The following NRXN1 variants were observed in gnomAD, a reference collection of about 807,000 sequenced individuals.
NRXN1 encodes neurexin 1, also known as neurexin-1.
NRXN1 carries 39 observed loss-of-function variants against 150.9 expected under a neutral mutation model. The observed-to-expected ratio is 0.26, with a 90% confidence interval of 0.20 to 0.34. The LOEUF is 0.34. Ranked by LOEUF, NRXN1 falls within the 10% of genes least tolerant of loss-of-function variation. NRXN1 has a pLI of 1.00. For missense variants in NRXN1, 1,815 were observed against 1,949.9 expected (o/e 0.93, Z 1.30); for synonymous variants, 924 against 757.0 (o/e 1.22, Z -3.62).
intron 18 of NRXN1, among the ~76,000 whole-genome samples, chr2:50,206,252 C>G (rs1018550339): frequency 3.3e-5 from 5 of 151,398 alleles, no homozygotes; most frequent in African/African-American, 1.2e-4. Context: ...CACACACACA[C>G]ACACACACAC....
intron 21 of NRXN1, among the ~76,000 whole-genome samples, chr2:49,974,515 C>A (rs1346794624): frequency 1.3e-5 from 2 of 152,112 alleles, no homozygotes; most frequent in African/African-American, 4.8e-5. Context: ...AGCCCTTAAA[C>A]TGTTATGTGT....
At chr2:49,928,583 G>A (rs1669541049) in intron 22 of NRXN1, among the ~76,000 whole-genome samples, 1 of 151,940 alleles carries the variant, frequency 6.6e-6, no homozygotes, top group Non-Finnish European at 1.5e-5. Flanking sequence ...CTCCTGGGGT[G>A]TTTGTGAATT....
At chr2:50,630,111 T>A (rs1175606306) in intron 5 of NRXN1, among the ~76,000 whole-genome samples, 1 of 151,692 alleles carries the variant, frequency 6.6e-6, no homozygotes, top group Non-Finnish European at 1.5e-5. Context: ...CCATTCCATA[T>A]CCGACACACT....
intron 21 of NRXN1, among the ~76,000 whole-genome samples, chr2:49,952,303 A>G (rs1194471263): frequency 6.6e-6 from 1 of 152,072 alleles, no homozygotes; most frequent in Non-Finnish European, 1.5e-5. Context: ...ACTGGATTTT[A>G]GATAAGTAAC....
At chr2:50,386,683 A>G (rs1022316744) in intron 17 of NRXN1, among the ~76,000 whole-genome samples, 1 of 152,178 alleles carries the variant, frequency 6.6e-6, no homozygotes, top group African/African-American at 2.4e-5. Flanking sequence ...ACCAAGTTGC[A>G]ATGGAAATGG....
intron 2 of NRXN1, among the ~76,000 whole-genome samples, chr2:50,949,294 A>C (rs1438807674): frequency 1.3e-5 from 2 of 152,076 alleles, no homozygotes; most frequent in Non-Finnish European, 2.9e-5. Flanking sequence ...TTAAACAAAA[A>C]GGATGAAAGT....
At chr2:50,354,838 A>T (rs2078682689) in intron 17 of NRXN1, among the ~76,000 whole-genome samples, 1 of 152,000 alleles carries the variant, frequency 6.6e-6, no homozygotes, top group Non-Finnish European at 1.5e-5. Flanking sequence ...CAATGCCATG[A>T]ACTGGCAACC....
At chr2:50,037,919 T>C (rs531261245) in intron 21 of NRXN1, among the ~76,000 whole-genome samples, 1 of 152,180 alleles carries the variant, frequency 6.6e-6, no homozygotes, top group Non-Finnish European at 1.5e-5. Context: ...CAGAATCTGC[T>C]AAAAGTTGAA....
At chr2:50,623,695 A>G (rs942150334) in intron 5 of NRXN1, 80 bp from the exon 6 acceptor site, 2 of 957,598 alleles carry the variant, frequency 2.1e-6, no homozygotes, top group Admixed American at 2.4e-5. Context: ...AACAATAGCT[A>G]ATCACTCCCC....
At chr2:50,287,276 C>A (rs1196061378) in intron 17 of NRXN1, among the ~76,000 whole-genome samples, 1 of 152,000 alleles carries the variant, frequency 6.6e-6, no homozygotes, top group Non-Finnish European at 1.5e-5. Context: ...TTTCTACATT[C>A]TTCTTCTCAA....
chr2:50,431,578 C>A (rs1331683104), intron 17 of NRXN1, among the ~76,000 whole-genome samples: 3 of 151,990 alleles, frequency 2.0e-5, no homozygotes, highest in African/African-American at 7.2e-5. Flanking sequence ...AAGTATTTCA[C>A]ATTAAAAAAC....
At chr2:50,121,346 T>C (rs1267138831) in intron 18 of NRXN1, among the ~76,000 whole-genome samples, 1 of 152,206 alleles carries the variant, frequency 6.6e-6, no homozygotes, top group Non-Finnish European at 1.5e-5. Context: ...CCTCATTTAA[T>C]CCTTACAATT....
intron 5 of NRXN1, among the ~76,000 whole-genome samples, chr2:50,642,676 TA>T (rs1368960956): frequency 1.3e-5 from 2 of 152,048 alleles, no homozygotes; most frequent in African/African-American, 4.8e-5. Context: ...TTTCTGTTAT[TA>T]GTATTACTGT....
At chr2:50,021,527 T>C (rs1010848080) in intron 21 of NRXN1, among the ~76,000 whole-genome samples, 1 of 152,196 alleles carries the variant, frequency 6.6e-6, no homozygotes, top group Non-Finnish European at 1.5e-5. Flanking sequence ...ACTAAATGCT[T>C]CCCGTTGAGA....
intron 19 of NRXN1, among the ~76,000 whole-genome samples, chr2:50,090,464 A>G (rs1179211831): frequency 2.6e-5 from 4 of 152,080 alleles, no homozygotes; most frequent in African/African-American, 9.7e-5. Flanking sequence ...GGGAAGAGAG[A>G]AATGAGACTG....
chr2:51,009,728 A>G (rs1395937085), intron 2 of NRXN1, among the ~76,000 whole-genome samples: 1 of 151,974 alleles, frequency 6.6e-6, no homozygotes, highest in Non-Finnish European at 1.5e-5. Context: ...TTGAGACACA[A>G]CACTGGCCTA....
chr2:50,706,364 T>C (rs1694437838), intron 5 of NRXN1, among the ~76,000 whole-genome samples: 1 of 152,170 alleles, frequency 6.6e-6, no homozygotes, highest in African/African-American at 2.4e-5. Flanking sequence ...ATGAGATACA[T>C]TCTAGTATAT....
At chr2:50,515,600 GGT>G (rs60612860) in intron 12 of NRXN1, among the ~76,000 whole-genome samples, 9,887 of 143,304 alleles carry the variant, frequency 0.069, 332 homozygotes, top group East Asian at 0.14. Flanking sequence ...AAATGCTTGG[GGT>G]GTGTGTGTGT....
At chr2:50,003,021 C>T (rs1477248) in intron 21 of NRXN1, among the ~76,000 whole-genome samples, 126,949 of 152,096 alleles carry the variant, frequency 0.83, 53,092 homozygotes, top group Middle Eastern at 0.88. Flanking sequence ...GATTTAGAGT[C>T]TGGGCCAAAA....
Sources: gnomAD v4.1 joint callset for allele counts (sites outside exome capture counted in the v4.1 genomes callset) on GRCh38, gnomAD v4.1.1 for gene constraint, MANE v1.5 for transcripts, NCBI Gene and HGNC (gene_info 2026-07-23, HGNC 2026-07-21) for gene names.